Variants in GATC observed in about 807,000 individuals in gnomAD.
The protein encoded by GATC is glutamyl-tRNA amidotransferase subunit C.
A neutral mutation model predicts 14.4 loss-of-function variants in GATC; 11 were observed. The ratio of observed to expected loss-of-function variants is 0.77; its 90% confidence interval spans 0.48 to 1.27. GATC has a LOEUF of 1.27. Among genes scored for constraint, GATC ranks in the 50% most tolerant of loss-of-function variants. The probability of loss-of-function intolerance (pLI) is 0.00; values close to 1 mark genes in which losing one functional copy is unlikely to be tolerated. For synonymous variants in GATC, 76 were observed against 79.3 expected, an observed-to-expected ratio of 0.96 and a Z score of 0.22; for missense variants, 204 against 183.0, an observed-to-expected ratio of 1.11 and a Z score of -0.66.
chr12:120,457,099 A>ATG lies in GATC; in HGVS notation c.281_282dup (p.Val95TrpfsTer2). The ATG allele has an allele frequency of 6.2e-7, 1 of 1,613,860 alleles. No individual in the cohort carries two copies. The highest frequency in any genetic ancestry group is 8.5e-7 in the Non-Finnish European group (1 of 1,179,782). ...AGATGTCTATACCTGAGATCCGACA[A>ATG]TGTGGTAGAAGGCAACTGTGCTGAT... On this transcript the variant is annotated frameshift_variant, in exon 3 of 4. Transcript: ENST00000551765. LOFTEE classifies it high-confidence loss of function.
intron 2 of GATC, among the ~76,000 whole-genome samples, chr12:120,456,820 C>T (rs1592986869): frequency 2.6e-5 from 4 of 152,180 alleles, no homozygotes; most frequent in African/African-American, 7.2e-5. Context: ...AGACAGTTGC[C>T]CATATAATCA....
At chr12:120,446,941 G>C (rs1877887632) in intron 2 of GATC, 112 bp downstream of exon 2, 1 of 1,064,072 alleles carries the variant, frequency 9.4e-7, no homozygotes, top group Non-Finnish European at 1.3e-6. Flanking sequence ...GCAAGATTCA[G>C]GAACTTGCCC....
intron 2 of GATC, among the ~76,000 whole-genome samples, chr12:120,449,437 ATGTGTTTTGTTTTGT>A: frequency 6.6e-6 from 1 of 151,252 alleles, no homozygotes; most frequent in South Asian, 2.1e-4. Context: ...TATTCAGTAA[ATGTGTTTTGTTTTGT>A]TTTGTTTTGT....
At position 120,446,467 on chromosome 12, in the gene GATC, C is replaced by T. The variant is rs1877864405; in HGVS notation, c.-14C>T. On this transcript the variant is annotated 5_prime_UTR_variant, in exon 1 of 4. Transcript: ENST00000551765. ...TTACGCGCGGGCGCACTGCGGGGGCCAAGGAAGGAAGAAATGTGGTCGCGG... is the reference window on the plus strand; with the variant it reads ...TTACGCGCGGGCGCACTGCGGGGGCTAAGGAAGGAAGAAATGTGGTCGCGG... 1.9e-6 allele frequency: 3 copies of T among 1,604,928 alleles called. No homozygotes were observed. In the South Asian group the frequency reaches 3.3e-5, roughly 18 times the overall value.
At chr12:120,454,983 A>AT in intron 2 of GATC, 1 of 451,768 alleles carries the variant, frequency 2.2e-6, no homozygotes, top group Non-Finnish European at 4.4e-6. Context: ...TGCTTCCTAC[A>AT]TTCAAGTGAT....
intron 2 of GATC, among the ~76,000 whole-genome samples, chr12:120,447,161 C>T (rs1356433985): frequency 1.3e-5 from 2 of 151,474 alleles, no homozygotes; most frequent in African/African-American, 4.9e-5. Flanking sequence ...ACTGCAACCT[C>T]CGCCTCCCGT....
intron 2 of GATC, among the ~76,000 whole-genome samples, chr12:120,451,399 G>A (rs1471766541): frequency 6.9e-6 from 1 of 144,760 alleles, no homozygotes; most frequent in African/African-American, 2.6e-5. Context: ...AGCCAAGATG[G>A]AGCCACTGCA....
intron 2 of GATC, among the ~76,000 whole-genome samples, chr12:120,447,262 A>G (rs1877901853): frequency 6.6e-6 from 1 of 151,796 alleles, no homozygotes; most frequent in Non-Finnish European, 1.5e-5. Context: ...TATTTTTAGT[A>G]GAGACGTGGT....
chr12:120,456,840 A>C (rs1295256793), intron 2 of GATC, among the ~76,000 whole-genome samples: 2 of 152,214 alleles, frequency 1.3e-5, no homozygotes, highest in African/African-American at 4.8e-5. Context: ...ATCAAAAACT[A>C]TTTGTTAAAT....
In GATC at chr12:120,463,325, G is replaced by A. The variant is rs1378965313; in HGVS notation, c.*3366G>A. The A allele has an allele frequency of 6.6e-6, 1 of 152,190 alleles. No homozygotes were observed. Among genetic ancestry groups the A allele is most frequent in the Non-Finnish European group, 1.5e-5 (1 of 68,046 alleles). 9.4% of individuals were successfully genotyped at this position (152,190 alleles called of 1,614,324 possible). The stretch of plus-strand genomic sequence containing the variant: ...GTGCATGCCTGCAGTCCCAACTACT[G>A]GAGAGGCTGAGGTGGGAGGACTGCT... On this transcript the variant is annotated 3_prime_UTR_variant, in exon 4 of 4. Transcript: ENST00000551765.
rs575588283 is a variant in GATC, at chr12:120,457,124, T to C, written c.303T>C (p.Asp101=). The C allele has an allele frequency of 5.6e-6, 9 of 1,614,122 alleles. No individual in the cohort carries two copies. In the African/African-American group the frequency reaches 8.0e-5, roughly 14 times the overall value. Residue 101 remains aspartate (D), a synonymous_variant, in exon 3 of 4, where the codon GAT becomes GAC. Transcript: ENST00000551765. ...ATGTGGTAGAAGGCAACTGTGCTGA[T>C]GAATTACTACAAAACTCCCATCGCG... ...SDNVVEGNCA[D]ELLQNSHRVV...
chr12:120,447,076 GTTTT>G (rs1877894069), intron 2 of GATC, among the ~76,000 whole-genome samples: 1 of 128,626 alleles, frequency 7.8e-6, no homozygotes. Flanking sequence ...TTGTTTGTTT[GTTTT>G]GTTTTTTTTT....
At position 120,453,289 on chromosome 12, in the gene GATC, T is replaced by C. The variant is rs145056926; in HGVS notation, c.255-3787T>C. ...TTCTCACAGTTACTTAAGTTATTGT[T>C]CCTGAGTTTTAACCAGCAGGGACTT... On this transcript the variant is annotated intron_variant, in intron 2 of 3. Transcript: ENST00000551765. Among the ~76,000 whole-genome samples the C allele has an allele frequency of 2.7e-3, 404 of 152,298 alleles. 3 individuals are homozygous for C. The highest frequency in any genetic ancestry group is 8.4e-3 in the African/African-American group (348 of 41,570).
rs1276432342 is a variant in GATC at position 120,462,470 on chromosome 12, A to AT, written c.*2511_*2512insT. On this transcript the variant is annotated 3_prime_UTR_variant, in exon 4 of 4. Transcript: ENST00000551765. ...CAATATATCTGAATTACTGCCATTG[A>AT]CCCCCCTCAAAGCTAAGAACTGGAA... 4.5e-6 allele frequency: 1 copy of AT among 224,522 alleles called. No homozygotes were observed. The highest frequency in any genetic ancestry group is 5.5e-5 in the Admixed American group (1 of 18,190). 13.9% of individuals were successfully genotyped at this position (224,522 alleles called of 1,614,324 possible). A position where few individuals can be genotyped will look rare whatever the true frequency, so the allele number is the denominator to read the frequency against.
rs1878291030 is a variant in GATC at position 120,459,986 on chromosome 12, C to CT, written c.*28dup. 6.4e-7 allele frequency: 1 copy of CT among 1,571,798 alleles called. No homozygotes were observed. Among genetic ancestry groups the CT allele is most frequent in the African/African-American group, 1.4e-5 (1 of 73,852 alleles). On this transcript the variant is annotated 3_prime_UTR_variant, in exon 4 of 4. Transcript: ENST00000551765. ...TAGCTCATTCTGGAAAGGGGGTACT[C>CT]TGTGAACATGTGGAAGCATAATGAC... is the stretch of plus-strand genomic sequence containing the variant.
chr12:120,457,709 C>T (rs1347722504), intron 3 of GATC, among the ~76,000 whole-genome samples: 3 of 149,912 alleles, frequency 2.0e-5, no homozygotes, highest in Non-Finnish European at 2.9e-5. Flanking sequence ...CGGGTTCAAG[C>T]GATTCTCCTG....
chr12:120,446,554 A>G lies in GATC; in HGVS notation c.74A>G (p.Asp25Gly). The G allele has an allele frequency of 6.3e-7, 1 of 1,599,640 alleles. No homozygotes were observed. The highest frequency in any genetic ancestry group is 8.5e-7 in the Non-Finnish European group (1 of 1,173,308). The change falls in exon 1 of 4, where the codon GAT (aspartate) becomes GGT (glycine). Residue 25 changes from aspartate (D) to glycine (G), a missense_variant. Coordinates refer to ENST00000551765, the MANE Select transcript of GATC (RefSeq NM_176818.3). ...CGCCAGGGCTTCACCTCCAAGGCGGATCCTCAGGTAAAGGCCAGGGCCATC... is the reference window on the plus strand; with the variant it reads ...CGCCAGGGCTTCACCTCCAAGGCGGGTCCTCAGGTAAAGGCCAGGGCCATC... ...GGRQGFTSKA[D>G]PQGSGRITAA...
In GATC at chr12:120,457,137, A is replaced by C; in HGVS notation, c.316A>C (p.Asn106His). 5.0e-6 allele frequency: 8 copies of C among 1,614,014 alleles called. No homozygotes were observed. Among genetic ancestry groups the C allele is most frequent in the Non-Finnish European group, 6.8e-6 (8 of 1,179,994 alleles). ...EGNCADELLQ[N>H]SHRVVEEYFV... The stretch of plus-strand genomic sequence containing the variant: ...CAACTGTGCTGATGAATTACTACAA[A>C]ACTCCCATCGCGTCGTGGAGGAGTA... The change falls in exon 3 of 4, where the codon AAC (asparagine) becomes CAC (histidine). Residue 106 changes from asparagine to histidine, a missense_variant. Coordinates refer to ENST00000551765, the MANE Select transcript of GATC (RefSeq NM_176818.3).
In GATC at chr12:120,446,560, A is replaced by T. The variant is rs1877870354; in HGVS notation, c.80A>T (p.Gln27Leu). ...GGCTTCACCTCCAAGGCGGATCCTCAGGTAAAGGCCAGGGCCATCTAGGCG... is the reference window on the plus strand; with the variant it reads ...GGCTTCACCTCCAAGGCGGATCCTCTGGTAAAGGCCAGGGCCATCTAGGCG... ...RQGFTSKADP[Q>L]GSGRITAAVI... The change falls in exon 1 of 4, where the codon CAG (glutamine) becomes CTG (leucine). Residue 27 changes from glutamine (Q) to leucine (L), a missense_variant and splice_region_variant. Transcript: ENST00000551765. The T allele has an allele frequency of 1.9e-6, 3 of 1,598,662 alleles. No homozygotes were observed. Among genetic ancestry groups the T allele is most frequent in the Middle Eastern group, 1.7e-4 (1 of 6,006 alleles).
Sources: allele counts gnomAD v4.1 joint callset (sites outside exome capture counted in the v4.1 genomes callset), GRCh38; gene constraint gnomAD v4.1.1; transcripts MANE v1.5; gene names NCBI Gene and HGNC (gene_info 2026-07-23, HGNC 2026-07-21).